The following TRAPPC6A variants were observed in gnomAD, a reference collection of about 807,000 sequenced individuals.
TRAPPC6A encodes the protein TRAPP complex subunit 6A.
TRAPPC6A carries 25 observed loss-of-function variants against 20.8 expected under a neutral mutation model. The observed-to-expected ratio is 1.20, with a 90% confidence interval of 0.88 to 1.68. The LOEUF is 1.68. TRAPPC6A is among the 40% of genes most tolerant of loss of function. The pLI, the probability that TRAPPC6A is intolerant of heterozygous loss-of-function variation, is 0.00. For synonymous variants in TRAPPC6A, 96 were observed against 93.3 expected (o/e 1.03, Z -0.16); for missense variants, 215 against 211.6 (o/e 1.02, Z -0.10).
intron 2 of TRAPPC6A, 57 bp downstream of exon 2, chr19:45,165,070 G>C (rs943743497): frequency 6.2e-7 from 1 of 1,609,870 alleles, no homozygotes; most frequent in East Asian, 2.2e-5. Flanking sequence ...CTCCCCGCCC[G>C]GGGCCTGCCC....
intron 1 of TRAPPC6A, among the ~76,000 whole-genome samples, chr19:45,176,453 G>A (rs1463725095): frequency 6.6e-6 from 1 of 151,976 alleles, no homozygotes; most frequent in African/African-American, 2.4e-5. Flanking sequence ...GACAGAGCAA[G>A]ACTCTGTCTC....
intron 1 of TRAPPC6A, 138 bp downstream of exon 1, chr19:45,177,997 A>C: frequency 6.8e-7 from 1 of 1,474,382 alleles, no homozygotes; most frequent in Admixed American, 2.4e-5. Context: ...TTTCCAAAGG[A>C]GGAAGCCAGG....
At chr19:45,169,505 C>A (rs1004094504) in intron 1 of TRAPPC6A, among the ~76,000 whole-genome samples, 3 of 152,222 alleles carry the variant, frequency 2.0e-5, no homozygotes, top group Non-Finnish European at 4.4e-5. Flanking sequence ...AGGATCCTCA[C>A]AAGGAGTAAG....
chr19:45,165,874 G>T (rs540659201), intron 1 of TRAPPC6A, among the ~76,000 whole-genome samples: 20 of 152,224 alleles, frequency 1.3e-4, no homozygotes, highest in Admixed American at 5.2e-4. Flanking sequence ...GTGCCTGTGT[G>T]TGTGGAGGGC....
intron 1 of TRAPPC6A, among the ~76,000 whole-genome samples, chr19:45,169,731 C>G (rs895608664): frequency 3.9e-5 from 6 of 152,226 alleles, no homozygotes; most frequent in East Asian, 1.9e-4. Flanking sequence ...TGCCTGGTAG[C>G]TGCGGCTCCC....
At chr19:45,174,635 C>A (rs577800955) in intron 1 of TRAPPC6A, among the ~76,000 whole-genome samples, 2 of 151,646 alleles carry the variant, frequency 1.3e-5, no homozygotes, top group Non-Finnish European at 2.9e-5. Flanking sequence ...TCAAGGTCAG[C>A]CTGGGCAACA....
At chr19:45,174,399 C>A (rs901630571) in intron 1 of TRAPPC6A, among the ~76,000 whole-genome samples, 6 of 152,184 alleles carry the variant, frequency 3.9e-5, no homozygotes, top group Admixed American at 6.5e-5. Flanking sequence ...CTCAACACGT[C>A]CACACTGAGG....
At chr19:45,176,651 A>C (rs1969382044) in intron 1 of TRAPPC6A, among the ~76,000 whole-genome samples, 1 of 148,684 alleles carries the variant, frequency 6.7e-6, no homozygotes, top group Admixed American at 6.6e-5. Context: ...TTTTAAACTT[A>C]TGACAGGTTT....
chr19:45,163,912 T>A lies in TRAPPC6A; in HGVS notation c.448+4A>T. 1 of 1,552,170 alleles carries A rather than the reference T, an allele frequency of 6.4e-7. No individual in the cohort carries two copies. On this transcript the variant is annotated splice_donor_region_variant and intron_variant, in intron 5 of 5. Transcript: ENST00000585934. The surrounding 1 kb of genome is among the most constrained non-coding windows in gnomAD (Gnocchi z 5.3). ...GAAGAATCCCCCCACCCCCCATGAC[T>A]CACAGACGGGCAGGGCTGCCACGGA...
At chr19:45,174,366 G>A (rs1041178618) in intron 1 of TRAPPC6A, among the ~76,000 whole-genome samples, 2 of 151,966 alleles carry the variant, frequency 1.3e-5, no homozygotes, top group Non-Finnish European at 2.9e-5. Context: ...CACCTGCCAC[G>A]GCACAGGCTC....
intron 1 of TRAPPC6A, among the ~76,000 whole-genome samples, chr19:45,169,996 A>G (rs1568464969): frequency 1.3e-5 from 2 of 152,082 alleles, no homozygotes; most frequent in South Asian, 2.1e-4. Flanking sequence ...ATGCCAACTG[A>G]CAATCTGGGA....
At chr19:45,176,832 C>T (rs1969387092) in intron 1 of TRAPPC6A, among the ~76,000 whole-genome samples, 1 of 146,328 alleles carries the variant, frequency 6.8e-6, no homozygotes, top group African/African-American at 2.5e-5. Context: ...AGGAGTTCGA[C>T]ACCAGCCTGG....
chr19:45,171,206 C>T (rs1969260580), intron 1 of TRAPPC6A, among the ~76,000 whole-genome samples: 1 of 152,166 alleles, frequency 6.6e-6, no homozygotes, highest in Admixed American at 6.5e-5. Flanking sequence ...GGAGGCTGAG[C>T]CACCAGGATC....
chr19:45,176,307 A>AC (rs901138295), intron 1 of TRAPPC6A, among the ~76,000 whole-genome samples: 11 of 148,192 alleles, frequency 7.4e-5, no homozygotes, highest in Non-Finnish European at 1.4e-4. Context: ...CAAAAAAAAA[A>AC]AACAAAATTA....
At chr19:45,171,299 CACAAAACAAAACAAAACAAA>C (rs150712507) in intron 1 of TRAPPC6A, among the ~76,000 whole-genome samples, 7 of 149,950 alleles carry the variant, frequency 4.7e-5, no homozygotes, top group Admixed American at 2.7e-4. Flanking sequence ...GAGACTCAGT[CACAAAACAAAACAAAACAAA>C]ACAAAACAAA....
intron 1 of TRAPPC6A, among the ~76,000 whole-genome samples, chr19:45,167,078 A>G (rs1034510734): frequency 4.6e-5 from 7 of 151,952 alleles, no homozygotes; most frequent in African/African-American, 1.7e-4. Flanking sequence ...CCCACTGCAC[A>G]CTGTCCCTGG....
Position 45,172,715 on chromosome 19 carries a change from C to T in TRAPPC6A, c.84+5420G>A, listed in dbSNP as rs920893302. On this transcript the variant is annotated intron_variant, in intron 1 of 5. Transcript: ENST00000585934. The surrounding 1 kb of genome is among the most constrained non-coding windows in gnomAD (Gnocchi z 4.2). ...AGAACTCCCCATCCTGTCCCCTGGC[C>T]CAGCCCGGAAGGTTGAGCCCACCAC... 1.7e-4 allele frequency among the ~76,000 whole-genome samples: 26 copies of T among 151,772 alleles called. No individual in the cohort carries two copies. The highest frequency in any genetic ancestry group is 1.5e-4 in the Non-Finnish European group (10 of 68,036).
chr19:45,167,743 A>G (rs964353449), intron 1 of TRAPPC6A, among the ~76,000 whole-genome samples: 2 of 152,218 alleles, frequency 1.3e-5, no homozygotes, highest in African/African-American at 4.8e-5. Context: ...TCGGCCTCCC[A>G]AAGTGCTGGG....
At chr19:45,166,819 C>T (rs926314070) in intron 1 of TRAPPC6A, among the ~76,000 whole-genome samples, 1 of 152,118 alleles carries the variant, frequency 6.6e-6, no homozygotes, top group African/African-American at 2.4e-5. Context: ...CCGCCTCCTC[C>T]CTCCAGGGCT....
Sources: gnomAD v4.1 joint callset for allele counts (sites outside exome capture counted in the v4.1 genomes callset) on GRCh38, gnomAD v4.1.1 for gene constraint, Gnocchi (gnomAD v3.1) non-coding constraint, MANE v1.5 for transcripts, NCBI Gene and HGNC (gene_info 2026-07-23, HGNC 2026-07-21) for gene names.